SLC8A1: variants seen among roughly 807,000 people sequenced by gnomAD.
The protein encoded by SLC8A1 is sodium/calcium exchanger 1.
SLC8A1 carries 18 observed loss-of-function variants against 68.3 expected under a neutral mutation model. That is an observed-to-expected ratio of 0.26 (90% confidence interval 0.18 to 0.39). The LOEUF (loss-of-function observed/expected upper bound fraction) is 0.39. SLC8A1 is among the 10% of genes least tolerant of loss of function. The probability of loss-of-function intolerance (pLI) is 1.00; values close to 1 mark genes in which losing one functional copy is unlikely to be tolerated. For missense variants in SLC8A1, 985 were observed against 1,156.7 expected (o/e 0.85, Z 2.15); for synonymous variants, 475 against 415.5 (o/e 1.14, Z -1.74).
At chr2:40,170,174 A>G in intron 4 of SLC8A1, 107 bp downstream of exon 7, 2 of 946,782 alleles carry the variant, frequency 2.1e-6, no homozygotes, top group South Asian at 3.0e-5. Flanking sequence ...AGCATTATTT[A>G]GCAATGTTTT....
At chr2:40,322,936 T>C (rs2075380277) in intron 2 of SLC8A1, among the ~76,000 whole-genome samples, 1 of 151,980 alleles carries the variant, frequency 6.6e-6, no homozygotes, top group Non-Finnish European at 1.5e-5. Flanking sequence ...TAAAGATAAA[T>C]AGAGACATAT....
At chr2:40,207,522 T>C (rs373273) in intron 2 of SLC8A1, among the ~76,000 whole-genome samples, 115,734 of 152,006 alleles carry the variant, frequency 0.76, 44,648 homozygotes, top group Middle Eastern at 0.85. Context: ...CAAGGTATAA[T>C]AAAATATTTT....
intron 2 of SLC8A1, among the ~76,000 whole-genome samples, chr2:40,401,913 T>C (rs2149660187): frequency 6.6e-6 from 1 of 152,280 alleles, no homozygotes; most frequent in African/African-American, 2.4e-5. Flanking sequence ...AATTGGGTAC[T>C]AAAAAATACA....
At chr2:40,352,192 T>C (rs758167822) in intron 2 of SLC8A1, among the ~76,000 whole-genome samples, 5 of 152,206 alleles carry the variant, frequency 3.3e-5, no homozygotes, top group Non-Finnish European at 4.4e-5. Context: ...TGCAGTTGTA[T>C]TGCAATTTTG....
intron 2 of SLC8A1, among the ~76,000 whole-genome samples, chr2:40,295,994 C>T (rs557259905): frequency 3.9e-4 from 60 of 152,066 alleles, no homozygotes; most frequent in Non-Finnish European, 7.6e-4. Flanking sequence ...TTCTAGCGCC[C>T]AGGCACCACA....
At chr2:40,256,430 C>T (rs2063932850) in intron 2 of SLC8A1, among the ~76,000 whole-genome samples, 2 of 152,092 alleles carry the variant, frequency 1.3e-5, no homozygotes, top group African/African-American at 2.4e-5. Context: ...TATGCATTTA[C>T]ATGACAAAAA....
intron 1 of SLC8A1, among the ~76,000 whole-genome samples, chr2:40,472,486 C>A (rs1216541954): frequency 6.6e-6 from 1 of 152,138 alleles, no homozygotes; most frequent in African/African-American, 2.4e-5. Flanking sequence ...CTAGCTGTTT[C>A]ATAGATGAAA....
intron 2 of SLC8A1, among the ~76,000 whole-genome samples, chr2:40,242,804 T>C (rs570163592): frequency 1.3e-5 from 2 of 152,302 alleles, no homozygotes; most frequent in Admixed American, 6.5e-5. Flanking sequence ...TAGACTTGCT[T>C]AGAAAAAAAG....
chr2:40,418,429 C>G (rs893149452), intron 2 of SLC8A1, among the ~76,000 whole-genome samples: 4 of 152,142 alleles, frequency 2.6e-5, no homozygotes, highest in Admixed American at 1.3e-4. Context: ...CATATCTGAT[C>G]TTTTGTCTTT....
Position 40,212,072 on chromosome 2 carries a change from G to C in SLC8A1, c.1809-34217C>G, listed in dbSNP as rs530063931. 1.2e-3 allele frequency among the ~76,000 whole-genome samples: 189 copies of C among 152,040 alleles called. No individual in the cohort carries two copies. In the Middle Eastern group the frequency reaches 0.024, roughly 19 times the overall value. ...TCTCCAATGCACTGTATTTGTCTTG[G>C]TTTGAAAAATCCATAAAGATTTTAT... On this transcript the variant is annotated intron_variant, in intron 2 of 7. Transcript: ENST00000406785.
chr2:40,164,620 C>G (rs866205782), intron 5 of SLC8A1, among the ~76,000 whole-genome samples: 37 of 152,248 alleles, frequency 2.4e-4, no homozygotes, highest in African/African-American at 8.2e-4. Flanking sequence ...CTTGTGCAGT[C>G]ATAGATGTCT....
intron 2 of SLC8A1, among the ~76,000 whole-genome samples, chr2:40,236,811 C>G (rs1456217290): frequency 2.0e-5 from 3 of 150,904 alleles, no homozygotes; most frequent in East Asian, 3.9e-4. Flanking sequence ...GACAAAATCT[C>G]TCAGCATTTG....
chr2:40,357,296 A>T (rs1165727542), intron 2 of SLC8A1, among the ~76,000 whole-genome samples: 2 of 152,062 alleles, frequency 1.3e-5, no homozygotes, highest in African/African-American at 4.8e-5. Flanking sequence ...GTTTGAGACC[A>T]GACTGGGCAA....
In SLC8A1 at chr2:40,475,031, A is replaced by G. The variant is rs375590404; in HGVS notation, c.-25+37318T>C. ...GTCTTCATTGTTTTAAGTTTAACTT[A>G]TAAAAAAATTATTTAGGAATCGATT... is the stretch of plus-strand genomic sequence containing the variant. On this transcript the variant is annotated intron_variant, in intron 1 of 7. Transcript: ENST00000402441. Among the ~76,000 whole-genome samples, 6 of 152,334 alleles carry G rather than the reference A, an allele frequency of 3.9e-5. No homozygotes were observed. In the East Asian group the frequency reaches 9.6e-4, roughly 24 times the overall value.
intron 7 of SLC8A1, among the ~76,000 whole-genome samples, chr2:40,118,919 G>A (rs1337700229): frequency 6.6e-6 from 1 of 151,998 alleles, no homozygotes; most frequent in African/African-American, 2.4e-5. Flanking sequence ...GACTTCCTGG[G>A]TATCCCATGT....
exon 8 of SLC8A1, chr2:40,108,670 G>T (rs773325181): frequency 7.2e-5 from 11 of 152,092 alleles, no homozygotes; most frequent in Non-Finnish European, 8.8e-5. Flanking sequence ...TAGCCATCTG[G>T]TCATATCACT....
In SLC8A1 at chr2:40,330,873, A is replaced by T. The variant is rs144563465; in HGVS notation, c.1808+97600T>A. ...GGAATCTACGGCATTTGCTAAATAT[A>T]ACTTGCTTGTAACTACAGATAAATA... On this transcript the variant is annotated intron_variant, in intron 2 of 7. Transcript: ENST00000406785. Among the ~76,000 whole-genome samples, 1,042 of 152,386 alleles carry T rather than the reference A, an allele frequency of 6.8e-3. 7 individuals carry two copies. Among genetic ancestry groups the T allele is most frequent in the Middle Eastern group, 0.014 (4 of 294 alleles).
At chr2:40,137,100 C>T (rs1236154668) in intron 7 of SLC8A1, among the ~76,000 whole-genome samples, 1 of 152,194 alleles carries the variant, frequency 6.6e-6, no homozygotes, top group Non-Finnish European at 1.5e-5. Context: ...GAACAAGTGA[C>T]TCCTCTAAAC....
rs2068546018 is a variant in SLC8A1, at chr2:40,287,604, G to GTGTGTT, written c.1809-109750_1809-109749insAACACA. 2.0e-5 allele frequency among the ~76,000 whole-genome samples: 3 copies of GTGTGTT among 148,214 alleles called. No individual in the cohort carries two copies. The South Asian group carries it at 6.3e-4, about 31-fold the overall frequency. On this transcript the variant is annotated intron_variant, in intron 2 of 7. Coordinates refer to ENST00000406785, the Ensembl canonical transcript of SLC8A1. Reference sequence around the variant, plus strand: ...ATGATGTGTGTGTGTGTGTGTGTGTGTGTGTGTGTGTGTGTGCATGCAGGG... The same window carrying GTGTGTT: ...ATGATGTGTGTGTGTGTGTGTGTGTGTGTGTTTGTGTGTGTGTGTGTGCATGCAGGG...
Sources: gnomAD v4.1 joint callset for allele counts (sites outside exome capture counted in the v4.1 genomes callset) on GRCh38, gnomAD v4.1.1 for gene constraint, MANE v1.5 for transcripts, NCBI Gene and HGNC (gene_info 2026-07-23, HGNC 2026-07-21) for gene names.